The following MFNG variants were observed in gnomAD, a reference collection of about 807,000 sequenced individuals.
The protein encoded by MFNG is beta-1,3-N-acetylglucosaminyltransferase manic fringe.
A neutral mutation model predicts 34.2 loss-of-function variants in MFNG; 24 were observed. The ratio of observed to expected loss-of-function variants is 0.70; its 90% CI spans 0.51 to 0.99. The LOEUF (loss-of-function observed/expected upper bound fraction) is 0.99, where lower values mean the gene tolerates loss of function less well. Among genes scored for constraint, MFNG ranks in the 50% least tolerant of loss-of-function variants. The pLI is 0.00. For synonymous variants in MFNG, 158 were observed against 179.2 expected (o/e 0.88, Z 0.94); for missense variants, 383 against 424.0 (o/e 0.90, Z 0.85).
chr22:37,474,856 T>C (rs1921970620), intron 5 of MFNG, among the ~76,000 whole-genome samples, 179 bp from the exon 6 acceptor site: 1 of 152,224 alleles, frequency 6.6e-6, no homozygotes, highest in Admixed American at 6.5e-5. Flanking sequence ...AGTCTCCTGT[T>C]CTGTGAAATG....
At chr22:37,470,747 G>C (rs1457933169) in intron 7 of MFNG, among the ~76,000 whole-genome samples, 1 of 152,148 alleles carries the variant, frequency 6.6e-6, no homozygotes, top group East Asian at 1.9e-4. Flanking sequence ...GTTCCTCCAA[G>C]CATCACAAGC....
chr22:37,485,875 C>G lies in MFNG; in HGVS notation c.255+48G>C. On this transcript the variant is annotated intron_variant, in intron 1 of 7. Transcript: ENST00000356998. The surrounding 1 kb of genome is among the most constrained non-coding windows in gnomAD (Gnocchi z 5.3). ...CCCAGTAGAAAGGCCTCTGAGAACC[C>G]CTTAGGCCAGGGGCCACCCCCAGGG... 6.3e-7 allele frequency: 1 copy of G among 1,577,264 alleles called. No individual in the cohort carries two copies. The highest frequency in any genetic ancestry group is 8.6e-7 in the Non-Finnish European group (1 of 1,159,082).
chr22:37,481,859 T>A (rs552335891), intron 1 of MFNG, among the ~76,000 whole-genome samples: 1 of 152,358 alleles, frequency 6.6e-6, no homozygotes, highest in South Asian at 2.1e-4. Context: ...CCAACTGCAA[T>A]GCTCCCCTCT....
rs537821272 is a variant in MFNG, at chr22:37,469,416, C to T, written c.*547G>A. ...GCTCCAAACAAAATCTGGTCCTGTT[C>T]GCAAGGGGTGGGGAGCAAGGAGCTT... On this transcript the variant is annotated 3_prime_UTR_variant, in exon 8 of 8. Coordinates refer to ENST00000356998, the MANE Select transcript of MFNG (RefSeq NM_002405.4). The T allele has an allele frequency of 1.0e-3, 211 of 204,694 alleles. No homozygotes were observed. The highest frequency in any genetic ancestry group is 4.4e-3 in the African/African-American group (188 of 43,044). 12.7% of individuals were successfully genotyped at this position (204,694 alleles called of 1,614,324 possible). A position where few individuals can be genotyped will look rare whatever the true frequency, so the allele number is the denominator to read the frequency against.
intron 1 of MFNG, among the ~76,000 whole-genome samples, chr22:37,484,011 C>A (rs947806574): frequency 6.6e-6 from 1 of 152,086 alleles, no homozygotes; most frequent in South Asian, 2.1e-4. Context: ...CAGGCAGCCG[C>A]GGGAAACAAA....
rs143375577 is a variant in MFNG at position 37,469,987 on chromosome 22, C to G, written c.942G>C (p.Trp314Cys). 2 of 1,609,224 alleles carry G rather than the reference C, an allele frequency of 1.2e-6. No individual in the cohort carries two copies. The highest frequency in any genetic ancestry group is 1.7e-6 in the Non-Finnish European group (2 of 1,177,594). The change falls in exon 8 of 8, where the codon TGG becomes TGC. Residue 314 changes from tryptophan to cysteine, a missense_variant. By Grantham distance (215) the Trp-to-Cys change is radical (BLOSUM62 -2). Coordinates refer to ENST00000356998, the MANE Select transcript of MFNG (RefSeq NM_002405.4). ...LHCLLYPDTPWCPQLGAR is the reference protein window; with the variant it reads ...LHCLLYPDTPCCPQLGAR ...TTCATCGGGCACCCAGCTGGGGACACCAGGGTGTATCTGGATAGAGCAGAC... is the reference window on the plus strand; with the variant it reads ...TTCATCGGGCACCCAGCTGGGGACAGCAGGGTGTATCTGGATAGAGCAGAC...
intron 4 of MFNG, among the ~76,000 whole-genome samples, chr22:37,477,307 T>A (rs944535668): frequency 3.3e-5 from 5 of 152,188 alleles, no homozygotes; most frequent in Non-Finnish European, 5.9e-5. Context: ...CCTCACTCCA[T>A]GTGGCTTGGG....
Position 37,480,194 on chromosome 22 carries a change from C to A in MFNG, c.407+3G>T, listed in dbSNP as rs749522924. 3.1e-6 allele frequency: 5 copies of A among 1,603,230 alleles called. No homozygotes were observed. In the South Asian group the frequency reaches 4.4e-5, roughly 14 times the overall value. On this transcript the variant is annotated splice_donor_region_variant and intron_variant, in intron 3 of 7. Coordinates refer to ENST00000356998, the MANE Select transcript of MFNG (RefSeq NM_002405.4). The stretch of plus-strand genomic sequence containing the variant: ...TTATCCCCAGAGACCCAGGAACACT[C>A]GCCTAAGCCCACTGGCCAAGAAGGT...
chr22:37,474,812 G>A (rs1921967949), intron 5 of MFNG, 135 bp from the exon 6 acceptor site: 5 of 932,066 alleles, frequency 5.4e-6, no homozygotes, highest in Non-Finnish European at 7.8e-6. Context: ...GTATGACCTT[G>A]AGCAAGTCAG....
Position 37,482,445 on chromosome 22 carries a change from A to G in MFNG, c.256-1676T>C, listed in dbSNP as rs994846469. Among the ~76,000 whole-genome samples, 3 of 150,850 alleles carry G rather than the reference A, an allele frequency of 2.0e-5. No homozygotes were observed. Among genetic ancestry groups the G allele is most frequent in the Non-Finnish European group, 2.9e-5 (2 of 67,800 alleles). On this transcript the variant is annotated intron_variant, in intron 1 of 7. Coordinates refer to ENST00000356998, the MANE Select transcript of MFNG (RefSeq NM_002405.4). This position sits in a 1 kb window ranked among gnomAD's most constrained non-coding sequence, Gnocchi z 4.1. ...CTCTCTCTCTCACACACACACACGCACACACACGCACGCATACACACACAC... is the reference window on the plus strand; with the variant it reads ...CTCTCTCTCTCACACACACACACGCGCACACACGCACGCATACACACACAC...
At chr22:37,480,352 C>T (rs1334433259) in intron 2 of MFNG, 53 bp from the exon 3 acceptor site, 1 of 1,402,308 alleles carries the variant, frequency 7.1e-7, no homozygotes, top group Non-Finnish European at 1.0e-6. Flanking sequence ...CCCTTCAGAG[C>T]CCTGAACACA....
intron 4 of MFNG, among the ~76,000 whole-genome samples, 166 bp downstream of exon 4, chr22:37,479,179 G>A (rs1266431949): frequency 2.6e-5 from 4 of 152,182 alleles, no homozygotes; most frequent in African/African-American, 9.7e-5. Context: ...TTTCACAGAG[G>A]AAGAGACTGA....
intron 1 of MFNG, 141 bp from the exon 2 acceptor site, chr22:37,480,910 C>G: frequency 1.4e-6 from 1 of 711,212 alleles, no homozygotes; most frequent in East Asian, 2.7e-5. Context: ...TCACACGCTC[C>G]TTTAGGACAA....
chr22:37,480,737 G>A lies in MFNG; in HGVS notation c.288C>T (p.Gly96=). The change falls in exon 2 of 8, where the codon GGC becomes GGT. Residue 96 remains glycine (G), a synonymous_variant. Transcript: ENST00000356998. The part of the protein sequence containing the change: ...TFVFTDSPDK[G]LQERLGSHLV... ...CAGAGTTACCCAGTCTCTCCTGGAG[G>A]CCTTTGTCTGGGCTGTCGGTGAAGA... The A allele has an allele frequency of 6.2e-7, 1 of 1,613,706 alleles. No homozygotes were observed. Among genetic ancestry groups the A allele is most frequent in the Non-Finnish European group, 8.5e-7 (1 of 1,179,840 alleles).
intron 1 of MFNG, chr22:37,481,238 CA>C (rs1313457924): frequency 6.3e-6 from 1 of 159,802 alleles, no homozygotes; most frequent in Non-Finnish European, 1.4e-5. Context: ...GTCACACCTT[CA>C]CAGCCACACA....
chr22:37,476,359 C>A (rs1316830199), intron 5 of MFNG, among the ~76,000 whole-genome samples: 1 of 151,426 alleles, frequency 6.6e-6, no homozygotes, highest in South Asian at 2.1e-4. Flanking sequence ...ACAGGATGTA[C>A]ACCCACTGTG....
At chr22:37,480,843 C>G in intron 1 of MFNG, 74 bp from the exon 2 acceptor site, 2 of 1,330,980 alleles carry the variant, frequency 1.5e-6, no homozygotes, top group Non-Finnish European at 2.1e-6. Context: ...AGCCCACCAC[C>G]ACCAGGCCCC....
chr22:37,479,323 A>G, intron 4 of MFNG, 22 bp downstream of exon 4: 1 of 1,542,610 alleles, frequency 6.5e-7, no homozygotes, highest in Non-Finnish European at 8.7e-7. Flanking sequence ...CCAAGGGGCA[A>G]AGGAGGAGGA....
At chr22:37,475,119 A>G (rs1441262717) in intron 5 of MFNG, among the ~76,000 whole-genome samples, 1 of 152,156 alleles carries the variant, frequency 6.6e-6, no homozygotes, top group African/African-American at 2.4e-5. Flanking sequence ...TCTTTCAAAG[A>G]GTGGTGCTAA....
Sources: allele counts gnomAD v4.1 joint callset (sites outside exome capture counted in the v4.1 genomes callset), GRCh38; gene constraint gnomAD v4.1.1; non-coding constraint Gnocchi (gnomAD v3.1); transcripts MANE v1.5; gene names NCBI Gene and HGNC (gene_info 2026-07-23, HGNC 2026-07-21).